CD82: variants seen among roughly 807,000 people sequenced by gnomAD.
The protein encoded by CD82 is CD82 molecule.
CD82 carries 36 observed loss-of-function variants against 37.4 expected under a neutral mutation model. That is an observed-to-expected ratio of 0.96 (90% CI 0.74 to 1.27). The LOEUF (loss-of-function observed/expected upper bound fraction) is 1.27, where lower values mean the gene tolerates loss of function less well. CD82 is among the 50% of genes most tolerant of loss of function. The pLI is 0.00. For synonymous variants in CD82, 158 were observed against 137.4 expected, an observed-to-expected ratio of 1.15 and a Z score of -1.05; for missense variants, 340 against 347.0, an observed-to-expected ratio of 0.98 and a Z score of 0.16.
chr11:44,570,836 A>G (rs542408185), intron 1 of CD82, among the ~76,000 whole-genome samples: 1 of 152,218 alleles, frequency 6.6e-6, no homozygotes, highest in Non-Finnish European at 1.5e-5. Context: ...GGAGTCAACA[A>G]TTGTTTGTGG....
rs147655440 is a variant in CD82 at position 44,598,570 on chromosome 11, G to A, written c.64-1588G>A. ...TGGGATTACAGGACCCCATCAACACGCCCAGCTAATTGTATTTTTAGTGCA... is the reference window on the plus strand; with the variant it reads ...TGGGATTACAGGACCCCATCAACACACCCAGCTAATTGTATTTTTAGTGCA... On this transcript the variant is annotated intron_variant, in intron 3 of 9. Transcript: ENST00000227155. 5.8e-3 allele frequency among the ~76,000 whole-genome samples: 879 copies of A among 151,794 alleles called. 10 individuals are homozygous for A. Among genetic ancestry groups the A allele is most frequent in the African/African-American group, 0.02 (825 of 41,386 alleles).
At chr11:44,587,797 C>T in intron 2 of CD82, 1 of 353,900 alleles carries the variant, frequency 2.8e-6, no homozygotes, top group South Asian at 2.1e-5. Context: ...GCACCTGACA[C>T]ACCCCCAACC....
At chr11:44,583,823 A>G (rs577372430) in intron 1 of CD82, among the ~76,000 whole-genome samples, 1 of 152,270 alleles carries the variant, frequency 6.6e-6, no homozygotes, top group African/African-American at 2.4e-5. Flanking sequence ...ATGGCATAAT[A>G]TTCAGGGATG....
chr11:44,594,632 C>G lies in CD82; in HGVS notation c.-20-11C>G. 2 of 1,592,692 alleles carry G rather than the reference C, an allele frequency of 1.3e-6. No homozygotes were observed. Among genetic ancestry groups the G allele is most frequent in the East Asian group, 2.2e-5 (1 of 44,772 alleles). Reference sequence around the variant, plus strand: ...ATCCCCTCACTGGCCTGCCTGCCTTCTCTCTTCCAGGAAGCTCCAGGACTG... The same window carrying G: ...ATCCCCTCACTGGCCTGCCTGCCTTGTCTCTTCCAGGAAGCTCCAGGACTG... On this transcript the variant is annotated splice_polypyrimidine_tract_variant and intron_variant, in intron 2 of 9. Coordinates refer to ENST00000227155, the MANE Select transcript of CD82 (RefSeq NM_002231.4).
Position 44,618,685 on chromosome 11 carries a change from A to G in CD82, c.688A>G (p.Ile230Val), listed in dbSNP as rs1340893259. 3 of 1,613,356 alleles carry G rather than the reference A, an allele frequency of 1.9e-6. No homozygotes were observed. In the African/African-American group the frequency reaches 4.0e-5, roughly 22 times the overall value. ...GGCGTGGCTGCAGGAGAACCTGGGCATCATCCTCGGCGTGGGCGTGGGTGT... is the reference window on the plus strand; with the variant it reads ...GGCGTGGCTGCAGGAGAACCTGGGCGTCATCCTCGGCGTGGGCGTGGGTGT... The part of the protein sequence containing the change: ...VQAWLQENLG[I>V]ILGVGVGVAI... Residue 230 changes from isoleucine to valine, a missense_variant, in exon 9 of 10, where the codon ATC becomes GTC. Coordinates refer to ENST00000227155, the MANE Select transcript of CD82 (RefSeq NM_002231.4).
At chr11:44,594,834 G>T (rs1853198998) in intron 3 of CD82, 109 bp downstream of exon 3, 2 of 894,004 alleles carry the variant, frequency 2.2e-6, no homozygotes, top group South Asian at 1.4e-5. Flanking sequence ...GGGGGGATTT[G>T]GTGGGTAGGG....
chr11:44,592,190 G>A (rs914196219), intron 2 of CD82, among the ~76,000 whole-genome samples: 1 of 152,216 alleles, frequency 6.6e-6, no homozygotes, highest in Non-Finnish European at 1.5e-5. Flanking sequence ...GGATGTGTGA[G>A]CTGGAAAGTG....
chr11:44,568,373 A>G lies in CD82; in HGVS notation c.-103+2637A>G, dbSNP rs568333486. 2.7e-3 allele frequency among the ~76,000 whole-genome samples: 410 copies of G among 152,286 alleles called. 3 individuals are homozygous for G. The highest frequency in any genetic ancestry group is 9.5e-3 in the African/African-American group (394 of 41,550). On this transcript the variant is annotated intron_variant, in intron 1 of 9. Transcript: ENST00000227155. ...TTCTCCTCCCTATCCTGTCTGGTAC[A>G]TAGCAGGGTCTCAGGAAGGTGGCTG...
intron 2 of CD82, 113 bp downstream of exon 2, chr11:44,587,669 G>A: frequency 2.3e-6 from 1 of 442,784 alleles, no homozygotes; most frequent in South Asian, 1.6e-5. Context: ...GCCACCAGGT[G>A]GGTGGAGGGA....
At chr11:44,595,575 A>G (rs1853211345) in intron 3 of CD82, among the ~76,000 whole-genome samples, 2 of 152,194 alleles carry the variant, frequency 1.3e-5, no homozygotes, top group African/African-American at 4.8e-5. Context: ...TTCATTAAAA[A>G]GTGAGTATTT....
chr11:44,593,089 C>T (rs969230635), intron 2 of CD82, among the ~76,000 whole-genome samples: 7 of 152,210 alleles, frequency 4.6e-5, no homozygotes, highest in Non-Finnish European at 7.3e-5. Context: ...TCCTCATTAG[C>T]CACCTTCCCC....
At chr11:44,602,044 G>A (rs764467183) in intron 4 of CD82, among the ~76,000 whole-genome samples, 1 of 152,166 alleles carries the variant, frequency 6.6e-6, no homozygotes, top group Non-Finnish European at 1.5e-5. Flanking sequence ...ATTTTACAGA[G>A]GAGGAAATTG....
chr11:44,602,225 A>G (rs1853318359), intron 4 of CD82, among the ~76,000 whole-genome samples: 1 of 152,188 alleles, frequency 6.6e-6, no homozygotes. Context: ...GCACTTTGCA[A>G]TGAAGAGCAG....
At chr11:44,572,605 G>A (rs958924488) in intron 1 of CD82, among the ~76,000 whole-genome samples, 1 of 142,328 alleles carries the variant, frequency 7.0e-6, no homozygotes. Flanking sequence ...GTCCGCAGCC[G>A]CCCAGGCTGG....
chr11:44,596,902 T>C (rs1307963173), intron 3 of CD82: 2 of 455,916 alleles, frequency 4.4e-6, no homozygotes, highest in African/African-American at 2.0e-5. Flanking sequence ...AAAATTGCAG[T>C]TGTTGGGGGT....
rs917163551 is a variant in CD82 at position 44,620,160 on chromosome 11, C to T, written c.*1034C>T. The T allele has an allele frequency of 6.6e-6, 1 of 151,974 alleles. No individual in the cohort carries two copies. The allele number at this position is 151,974 out of a possible 1,614,324, so 9.4% of individuals were successfully genotyped here. A position where few individuals can be genotyped will look rare whatever the true frequency, so the allele number is the denominator to read the frequency against. ...GTCCTGTATTCTCCAGGGTCCGGAG[C>T]TGGCCAGGGGCGGGGAGGAGGAGGA... On this transcript the variant is annotated 3_prime_UTR_variant, in exon 10 of 10. Transcript: ENST00000227155.
At chr11:44,578,617 C>T (rs1565081502) in intron 1 of CD82, among the ~76,000 whole-genome samples, 1 of 152,202 alleles carries the variant, frequency 6.6e-6, no homozygotes, top group Non-Finnish European at 1.5e-5. Context: ...GAGGGGAACT[C>T]GCCCAAGGCC....
rs1052088124 is a variant in CD82, at chr11:44,574,686, G to A, written c.-103+8950G>A. ...AAATAACTGCTCAGAGATAACTGCCGTGAGCAGTTTGGTGTTTTGGCCTTA... is the reference window on the plus strand; with the variant it reads ...AAATAACTGCTCAGAGATAACTGCCATGAGCAGTTTGGTGTTTTGGCCTTA... On this transcript the variant is annotated intron_variant, in intron 1 of 9. Transcript: ENST00000227155. Among the ~76,000 whole-genome samples the A allele has an allele frequency of 3.3e-5, 5 of 152,286 alleles. No individual in the cohort carries two copies. The East Asian group carries it at 7.7e-4, about 24-fold the overall frequency.
At chr11:44,605,456 A>G (rs769968077) in intron 6 of CD82, 27 bp downstream of exon 6, 1 of 1,598,378 alleles carries the variant, frequency 6.3e-7, no homozygotes, top group Non-Finnish European at 8.6e-7. Context: ...CTCCCTCTTC[A>G]CTGGGCTGGA....
Sources: gnomAD v4.1 joint callset for allele counts (sites outside exome capture counted in the v4.1 genomes callset) on GRCh38, gnomAD v4.1.1 for gene constraint, MANE v1.5 for transcripts, NCBI Gene and HGNC (gene_info 2026-07-23, HGNC 2026-07-21) for gene names.